LHFPL2: variants seen among roughly 807,000 people sequenced by gnomAD.
The protein encoded by LHFPL2 is LHFPL tetraspan subfamily member 2.
In LHFPL2, 7 loss-of-function variants were observed where a neutral mutation model predicts 17.5. The observed-to-expected ratio is 0.40, with a 90% CI of 0.23 to 0.75. The LOEUF (loss-of-function observed/expected upper bound fraction) is 0.75, where lower values mean the gene tolerates loss of function less well. LHFPL2 is among the 30% of genes least tolerant of loss of function. The pLI is 0.37. For missense variants in LHFPL2, 241 were observed against 294.8 expected (o/e 0.82, Z 1.34); for synonymous variants, 134 against 116.2 (o/e 1.15, Z -0.99).
chr5:78,600,724 G>A (rs189016435), intron 2 of LHFPL2, among the ~76,000 whole-genome samples: 19 of 152,226 alleles, frequency 1.2e-4, no homozygotes, highest in South Asian at 4.2e-4. Context: ...GCGAAACTCC[G>A]TCTCAAAATA....
In LHFPL2 at chr5:78,529,616, C is replaced by G. The variant is rs371212495; in HGVS notation, c.-185-19218G>C. Among the ~76,000 whole-genome samples, 20 of 150,232 alleles carry G rather than the reference C, an allele frequency of 1.3e-4. No individual in the cohort carries two copies. In the East Asian group the frequency reaches 3.9e-3, roughly 29 times the overall value. On this transcript the variant is annotated intron_variant, in intron 3 of 4. Coordinates refer to ENST00000380345, the MANE Select transcript of LHFPL2 (RefSeq NM_005779.3). ...GCGCCACTGCAGTCCGCAGTCCGGC[C>G]TGGGCGACAGAGCGAGACTCCGTCT...
In LHFPL2 at chr5:78,626,996, G is replaced by A. The variant is rs189070099; in HGVS notation, c.-245+5268C>T. ...CTCAGGTGGCCGAGGCAGGAGAACT[G>A]CTTGAACCCGGGAGGCAGAGGTTGC... On this transcript the variant is annotated intron_variant, in intron 2 of 4. Coordinates refer to ENST00000380345, the MANE Select transcript of LHFPL2 (RefSeq NM_005779.3). Among the ~76,000 whole-genome samples, 859 of 152,210 alleles carry A rather than the reference G, an allele frequency of 5.6e-3. 12 individuals are homozygous for A. The highest frequency in any genetic ancestry group is 0.02 in the African/African-American group (823 of 41,528).
intron 3 of LHFPL2, among the ~76,000 whole-genome samples, chr5:78,543,783 G>A (rs1756184290): frequency 6.6e-6 from 1 of 152,262 alleles, no homozygotes; most frequent in Non-Finnish European, 1.5e-5. Flanking sequence ...CAGGTGAGAT[G>A]TGTGTATAGT....
At chr5:78,615,438 T>C (rs1744566474) in intron 2 of LHFPL2, among the ~76,000 whole-genome samples, 1 of 152,208 alleles carries the variant, frequency 6.6e-6, no homozygotes, top group African/African-American at 2.4e-5. Flanking sequence ...AACTGGTAAT[T>C]AGACTAAAAA....
chr5:78,641,153 T>C (rs1421558802), intron 1 of LHFPL2, among the ~76,000 whole-genome samples: 1 of 152,222 alleles, frequency 6.6e-6, no homozygotes, highest in Non-Finnish European at 1.5e-5. Context: ...CCATTAGCAA[T>C]GCAAGGGTTC....
chr5:78,613,292 T>C (rs1744479219), intron 2 of LHFPL2, among the ~76,000 whole-genome samples: 1 of 152,190 alleles, frequency 6.6e-6, no homozygotes, highest in South Asian at 2.1e-4. Context: ...CTCATTTTTC[T>C]TGGTTCATAA....
chr5:78,521,697 G>A (rs1755463270), intron 3 of LHFPL2, among the ~76,000 whole-genome samples: 1 of 152,174 alleles, frequency 6.6e-6, no homozygotes, highest in Admixed American at 6.5e-5. Flanking sequence ...ATTGACAGGT[G>A]GGCTGAAAGC....
intron 2 of LHFPL2, among the ~76,000 whole-genome samples, chr5:78,619,575 T>C (rs1192692732): frequency 2.0e-5 from 3 of 146,570 alleles, no homozygotes; most frequent in African/African-American, 7.5e-5. Context: ...TATGTATACA[T>C]GTGCCATGCT....
intron 2 of LHFPL2, among the ~76,000 whole-genome samples, chr5:78,578,908 G>T (rs1401662506): frequency 6.6e-6 from 1 of 152,154 alleles, no homozygotes; most frequent in Non-Finnish European, 1.5e-5. Flanking sequence ...TGAGCAATGT[G>T]GGGGCTCAGA....
chr5:78,542,763 C>A (rs1286102506), intron 3 of LHFPL2, among the ~76,000 whole-genome samples: 1 of 152,158 alleles, frequency 6.6e-6, no homozygotes, highest in South Asian at 2.1e-4. Context: ...TCAGAGGACA[C>A]CTTTGCTCCC....
At chr5:78,635,999 G>GACACACACACAC (rs5868927) in intron 1 of LHFPL2, among the ~76,000 whole-genome samples, 107 of 150,884 alleles carry the variant, frequency 7.1e-4, no homozygotes, top group African/African-American at 2.4e-3. Flanking sequence ...CACACACACA[G>GACACACACACAC]ACACACACAC....
chr5:78,523,829 C>G lies in LHFPL2; in HGVS notation c.-185-13431G>C, dbSNP rs575765498. 1.6e-4 allele frequency among the ~76,000 whole-genome samples: 24 copies of G among 152,210 alleles called. No individual in the cohort carries two copies. The South Asian group carries it at 5.0e-3, about 32-fold the overall frequency. ...AAACATTTAATTAAAAGAAAAAAGTCCCAAGCAGTACTTTATCTGAGGAGT... is the reference window on the plus strand; with the variant it reads ...AAACATTTAATTAAAAGAAAAAAGTGCCAAGCAGTACTTTATCTGAGGAGT... On this transcript the variant is annotated intron_variant, in intron 3 of 4. Transcript: ENST00000380345.
chr5:78,581,799 C>A lies in LHFPL2; in HGVS notation c.-244-16928G>T, dbSNP rs553657215. On this transcript the variant is annotated intron_variant, in intron 2 of 4. Coordinates refer to ENST00000380345, the MANE Select transcript of LHFPL2 (RefSeq NM_005779.3). ...GGCTTTGGTATCAGGATGATGCTGG[C>A]CTCATAAAATGAGTTAGGGAGGATT... is the stretch of plus-strand genomic sequence containing the variant. Among the ~76,000 whole-genome samples, 11 of 152,304 alleles carry A rather than the reference C, an allele frequency of 7.2e-5. No individual in the cohort carries two copies. In the South Asian group the frequency reaches 8.3e-4, roughly 11 times the overall value.
intron 3 of LHFPL2, among the ~76,000 whole-genome samples, chr5:78,519,494 G>A (rs571730336): frequency 6.6e-6 from 1 of 152,172 alleles, no homozygotes; most frequent in African/African-American, 2.4e-5. Flanking sequence ...CCAGGGCAAT[G>A]AGCTCATCCA....
At chr5:78,617,023 CTCTTTTTTTTT>C (rs1561366853) in intron 2 of LHFPL2, among the ~76,000 whole-genome samples, 1 of 151,920 alleles carries the variant, frequency 6.6e-6, no homozygotes, top group East Asian at 1.9e-4. Flanking sequence ...TCTAGAGTTT[CTCTTTTTTTTT>C]TCTTTTTTTT....
intron 3 of LHFPL2, among the ~76,000 whole-genome samples, chr5:78,533,877 C>G (rs1386930899): frequency 6.6e-6 from 1 of 152,140 alleles, no homozygotes; most frequent in Non-Finnish European, 1.5e-5. Context: ...AACCATTGCT[C>G]TAAGAAAGAA....
chr5:78,644,170 C>T, intron 1 of LHFPL2: 1 of 555,430 alleles, frequency 1.8e-6, no homozygotes, highest in Non-Finnish European at 3.2e-6. Flanking sequence ...ACAATTGTTA[C>T]ATAGTCTTCC....
Position 78,555,732 on chromosome 5 carries a change from C to A in LHFPL2, c.-186+9081G>T, listed in dbSNP as rs968693476. 3.3e-5 allele frequency among the ~76,000 whole-genome samples: 5 copies of A among 152,168 alleles called. No homozygotes were observed. The South Asian group carries it at 6.2e-4, about 19-fold the overall frequency. On this transcript the variant is annotated intron_variant, in intron 3 of 4. Transcript: ENST00000380345. ...TCTGCACCTGGAGGAGAGGGTCTGG[C>A]CTGCAAGTAGCAGCTGAAGCCACAG...
intron 2 of LHFPL2, among the ~76,000 whole-genome samples, chr5:78,607,913 T>A (rs148705513): frequency 6.6e-6 from 1 of 152,308 alleles, no homozygotes; most frequent in East Asian, 1.9e-4. Context: ...ATGTTAAATA[T>A]GAAATCACTC....
Sources: allele counts gnomAD v4.1 joint callset (sites outside exome capture counted in the v4.1 genomes callset), GRCh38; gene constraint gnomAD v4.1.1; transcripts MANE v1.5; gene names NCBI Gene and HGNC (gene_info 2026-07-23, HGNC 2026-07-21).